CFAP58: variants seen among roughly 807,000 people sequenced by gnomAD.
CFAP58 encodes the protein cilia and flagella associated protein 58, also known as cilia- and flagella-associated protein 58.
A neutral mutation model predicts 119.5 loss-of-function variants in CFAP58; 88 were observed. That is an observed-to-expected ratio of 0.74 (90% CI 0.62 to 0.88). The LOEUF is 0.88. Among genes scored for constraint, CFAP58 ranks in the 40% least tolerant of loss-of-function variants. The probability of loss-of-function intolerance (pLI) is 0.00; values close to 1 mark genes in which losing one functional copy is unlikely to be tolerated. For missense variants in CFAP58, 990 were observed against 1,021.2 expected, an observed-to-expected ratio of 0.97 and a Z score of 0.42; for synonymous variants, 365 against 366.3, an observed-to-expected ratio of 1.00 and a Z score of 0.04.
chr10:104,450,237 T>C (rs751144234), intron 17 of CFAP58, 33 bp downstream of exon 17: 2 of 1,608,760 alleles, frequency 1.2e-6, no homozygotes, highest in Non-Finnish European at 1.7e-6. Flanking sequence ...AATTTTGTTG[T>C]GCCTATTATC....
At chr10:104,425,582 T>G (rs1285791878) in intron 15 of CFAP58, among the ~76,000 whole-genome samples, 1 of 152,210 alleles carries the variant, frequency 6.6e-6, no homozygotes, top group Admixed American at 6.5e-5. Context: ...TCATAAGAAT[T>G]TTTAAGTATT....
intron 6 of CFAP58, 53 bp from the exon 7 acceptor site, chr10:104,370,842 T>C: frequency 6.6e-7 from 1 of 1,525,366 alleles, no homozygotes; most frequent in South Asian, 1.2e-5. Context: ...ATCATCCAGT[T>C]CCTGGCTCTT....
At position 104,368,567 on chromosome 10, in the gene CFAP58, A is replaced by C. The variant is rs2014781926; in HGVS notation, c.930+7A>C. The C allele has an allele frequency of 6.2e-7, 1 of 1,613,634 alleles. No homozygotes were observed. Among genetic ancestry groups the C allele is most frequent in the Non-Finnish European group, 8.5e-7 (1 of 1,179,712 alleles). Reference sequence around the variant, plus strand: ...GAAGGCGTTGGAGCTCAAAGTAAACACCAAGTTACATGTCTGTTCCCTAGC... The same window carrying C: ...GAAGGCGTTGGAGCTCAAAGTAAACCCCAAGTTACATGTCTGTTCCCTAGC... On this transcript the variant is annotated splice_region_variant and intron_variant, in intron 6 of 17. Coordinates refer to ENST00000369704, the MANE Select transcript of CFAP58 (RefSeq NM_001008723.2).
chr10:104,377,714 C>T (rs2011701464), intron 8 of CFAP58, among the ~76,000 whole-genome samples: 1 of 152,156 alleles, frequency 6.6e-6, no homozygotes, highest in African/African-American at 2.4e-5. Flanking sequence ...TTCATTCTGA[C>T]TTTCATTAAT....
chr10:104,436,986 T>C (rs2012945703), intron 15 of CFAP58, among the ~76,000 whole-genome samples: 2 of 152,258 alleles, frequency 1.3e-5, no homozygotes, highest in African/African-American at 4.8e-5. Flanking sequence ...ATAAATAATA[T>C]GCATAGTGGT....
At position 104,392,387 on chromosome 10, in the gene CFAP58, A is replaced by C. The variant is rs375712389; in HGVS notation, c.1520A>C (p.Glu507Ala). The change falls in exon 10 of 18, where the codon GAG becomes GCG. Residue 507 changes from glutamate to alanine, a missense_variant. Coordinates refer to ENST00000369704, the MANE Select transcript of CFAP58 (RefSeq NM_001008723.2). ...AATCTGTATAGCAAAAATCTGGTTG[A>C]GGCTCAGGTAAATAATATATTTATA... ...DRNLYSKNLV[E>A]AQDEITDMKR... The C allele has an allele frequency of 6.3e-7, 1 of 1,578,890 alleles. No individual in the cohort carries two copies. Among genetic ancestry groups the C allele is most frequent in the Admixed American group, 1.9e-5 (1 of 52,366 alleles).
At position 104,362,035 on chromosome 10, in the gene CFAP58, G is replaced by A. The variant is rs758105934; in HGVS notation, c.304G>A (p.Ala102Thr). ...ATGGCCCATCTAGGAAATTGAAAAG[G>A]CCTGGAAGATGGTGGACTCAGCCTA... ...IASLKKEIEK[A>T]WKMVDSAYDK... Residue 102 changes from alanine to threonine, a missense_variant, in exon 3 of 18, where the codon GCC becomes ACC. By Grantham distance (58) the Ala-to-Thr change is moderately conservative. Transcript: ENST00000369704. 24 of 1,613,720 alleles carry A rather than the reference G, an allele frequency of 1.5e-5. No individual in the cohort carries two copies. The South Asian group carries it at 2.6e-4, about 18-fold the overall frequency.
chr10:104,443,058 A>C (rs779979927), intron 15 of CFAP58, among the ~76,000 whole-genome samples: 4 of 152,232 alleles, frequency 2.6e-5, no homozygotes, highest in Non-Finnish European at 4.4e-5. Context: ...TAGAATGAGG[A>C]GAGCACAACA....
chr10:104,386,387 A>AAATAAAT (rs1564887754), intron 9 of CFAP58, among the ~76,000 whole-genome samples: 1 of 148,426 alleles, frequency 6.7e-6, no homozygotes. Flanking sequence ...CAAAAAAAAA[A>AAATAAAT]AAATAAATAA....
At chr10:104,365,429 G>T (rs960548617) in intron 4 of CFAP58, among the ~76,000 whole-genome samples, 1 of 151,936 alleles carries the variant, frequency 6.6e-6, no homozygotes, top group Admixed American at 6.6e-5. Flanking sequence ...CAATATCCAG[G>T]GTCATGTAAA....
chr10:104,407,592 T>C (rs999344688), intron 15 of CFAP58, among the ~76,000 whole-genome samples: 1 of 152,152 alleles, frequency 6.6e-6, no homozygotes, highest in Non-Finnish European at 1.5e-5. Context: ...CCTGTGAAAA[T>C]GGATATTGTG....
the CFAP58 span, among the ~76,000 whole-genome samples, chr10:104,346,633 C>CT: frequency 0.037 from 3,697 of 101,018 alleles, 430 homozygotes; most frequent in African/African-American, 0.1. Flanking sequence ...GCCATTTAGT[C>CT]TTTTTTTTTT....
chr10:104,353,521 T>G (rs2014493174), upstream of CFAP58: 2 of 236,012 alleles, frequency 8.5e-6, no homozygotes, highest in Non-Finnish European at 1.7e-5. Context: ...CCGTCCTTTC[T>G]GGGTGGCCTC....
intron 1 of CFAP58, among the ~76,000 whole-genome samples, chr10:104,355,035 A>G (rs1373578795): frequency 6.6e-6 from 1 of 151,716 alleles, no homozygotes; most frequent in Admixed American, 6.6e-5. Flanking sequence ...TCCTTTCCTT[A>G]TCATACGATC....
At chr10:104,392,442 C>A in intron 10 of CFAP58, 48 bp downstream of exon 10, 1 of 1,314,284 alleles carries the variant, frequency 7.6e-7, no homozygotes, top group Non-Finnish European at 1.0e-6. Flanking sequence ...TTTTACCCTG[C>A]ATTTAAAACA....
chr10:104,424,792 G>A, intron 15 of CFAP58, among the ~76,000 whole-genome samples: 1 of 152,208 alleles, frequency 6.6e-6, no homozygotes, highest in Admixed American at 6.5e-5. Context: ...TAAAACTGCT[G>A]TGCATACCAA....
At chr10:104,346,928 G>A in the CFAP58 span, among the ~76,000 whole-genome samples, 23 of 151,942 alleles carry the variant, frequency 1.5e-4, no homozygotes, top group African/African-American at 2.4e-4. Flanking sequence ...GAGCCATCGC[G>A]CTTGACCCAC....
chr10:104,418,542 C>T (rs187798591), intron 15 of CFAP58, among the ~76,000 whole-genome samples: 119 of 152,180 alleles, frequency 7.8e-4, no homozygotes, highest in African/African-American at 2.7e-3. Context: ...AGCGAGACTC[C>T]GCCTCAAAAC....
chr10:104,405,086 A>G (rs2012337200), intron 14 of CFAP58, among the ~76,000 whole-genome samples: 1 of 152,232 alleles, frequency 6.6e-6, no homozygotes, highest in Admixed American at 6.5e-5. Context: ...CTTTTAATGA[A>G]GAAAGCATTA....
Sources: gnomAD v4.1 joint callset for allele counts (sites outside exome capture counted in the v4.1 genomes callset) on GRCh38, gnomAD v4.1.1 for gene constraint, MANE v1.5 for transcripts, NCBI Gene and HGNC (gene_info 2026-07-23, HGNC 2026-07-21) for gene names.